PLOD1: variants seen among roughly 807,000 people sequenced by gnomAD.
PLOD1 encodes procollagen-lysine,2-oxoglutarate 5-dioxygenase 1, also known as lysine hydroxylase.
A neutral mutation model predicts 94.7 loss-of-function variants in PLOD1; 70 were observed. The ratio of observed to expected loss-of-function variants is 0.74; its 90% CI spans 0.61 to 0.90. PLOD1 has a LOEUF of 0.90. PLOD1 is among the 40% of genes least tolerant of loss of function. PLOD1 has a pLI of 0.00. For missense variants in PLOD1, 905 were observed against 972.7 expected (o/e 0.93, Z 0.93); for synonymous variants, 417 against 400.2 (o/e 1.04, Z -0.50).
rs763014294 is a variant in PLOD1 at position 11,966,289 on chromosome 1, A to G, written c.1623A>G (p.Lys541=). 6.2e-7 allele frequency: 1 copy of G among 1,608,004 alleles called. No individual in the cohort carries two copies. The highest frequency in any genetic ancestry group is 8.5e-7 in the Non-Finnish European group (1 of 1,177,202). Residue 541 remains lysine, a synonymous_variant, in exon 15 of 19, where the codon AAA becomes AAG. Transcript: ENST00000196061. ...AGTACATCCACCAGAACTACACCAA[A>G]GCCCTGGCAGGGAAGCTGGTGGAGA... ...KEKYIHQNYT[K]ALAGKLVETP...
intron 1 of PLOD1, among the ~76,000 whole-genome samples, chr1:11,943,284 G>A (rs76224978): frequency 0.15 from 21,493 of 148,202 alleles, 2,206 homozygotes; most frequent in African/African-American, 0.3. Context: ...CACCGTGCCC[G>A]GCTTTTTTTT....
intron 1 of PLOD1, among the ~76,000 whole-genome samples, chr1:11,943,880 G>T (rs1342151125): frequency 8.5e-5 from 13 of 152,126 alleles, no homozygotes; most frequent in Non-Finnish European, 1.5e-5. Context: ...CACATTACTC[G>T]CCAGCTGTAC....
chr1:11,938,031 C>T (rs188192245), intron 1 of PLOD1, among the ~76,000 whole-genome samples: 2 of 151,252 alleles, frequency 1.3e-5, no homozygotes, highest in East Asian at 3.9e-4. Flanking sequence ...CAGCGCACTG[C>T]AGCCTCCACC....
At chr1:11,965,150 C>CTT (rs570781705) in intron 13 of PLOD1, among the ~76,000 whole-genome samples, 10 of 143,220 alleles carry the variant, frequency 7.0e-5, no homozygotes, top group African/African-American at 2.5e-4. Context: ...ATTTTTGTGA[C>CTT]TTTTTTTTTT....
At position 11,965,543 on chromosome 1, in the gene PLOD1, C is replaced by G; in HGVS notation, c.1534C>G (p.Arg512Gly). 1 of 1,613,692 alleles carries G rather than the reference C, an allele frequency of 6.2e-7. No individual in the cohort carries two copies. The highest frequency in any genetic ancestry group is 1.1e-5 in the South Asian group (1 of 91,078). Residue 512 changes from arginine to glycine, a missense_variant, in exon 14 of 19, where the codon CGC becomes GGC. Arg to Gly is a moderately radical substitution (Grantham distance 125, BLOSUM62 -2). Transcript: ENST00000196061. ...LGHLLSLDSY[R>G]TTHLHNDLWE... ...CCATCTGCTCTCCCTAGACAGCTAC[C>G]GCACCACCCACCTGCACAACGACCT... is the stretch of plus-strand genomic sequence containing the variant.
chr1:11,970,394 C>G (rs1037237583), intron 16 of PLOD1, among the ~76,000 whole-genome samples: 2 of 152,228 alleles, frequency 1.3e-5, no homozygotes, highest in African/African-American at 4.8e-5. Context: ...AGTTGCGCCA[C>G]TGCGCTCTTA....
At chr1:11,943,745 C>A (rs552176715) in intron 1 of PLOD1, among the ~76,000 whole-genome samples, 1 of 152,170 alleles carries the variant, frequency 6.6e-6, no homozygotes, top group South Asian at 2.1e-4. Context: ...GAGACAGGGC[C>A]CTCTCAACAG....
chr1:11,963,934 C>A lies in PLOD1; in HGVS notation c.1203-241C>A, dbSNP rs951362903. Among the ~76,000 whole-genome samples the A allele has an allele frequency of 5.9e-5, 9 of 152,096 alleles. No individual in the cohort carries two copies. Among genetic ancestry groups the A allele is most frequent in the Admixed American group, 3.3e-4 (5 of 15,258 alleles). On this transcript the variant is annotated intron_variant, in intron 11 of 18. Coordinates refer to ENST00000196061, the MANE Select transcript of PLOD1 (RefSeq NM_000302.4). The surrounding 1 kb of genome is among the most constrained non-coding windows in gnomAD (Gnocchi z 4.3). ...AGAGCTGTGGATCCCCAGCCTGATACCCCAGGTTCTGATAGAGAAGGTGTC... is the reference window on the plus strand; with the variant it reads ...AGAGCTGTGGATCCCCAGCCTGATAACCCAGGTTCTGATAGAGAAGGTGTC...
At chr1:11,967,207 A>T in intron 16 of PLOD1, 116 bp downstream of exon 16, 1 of 719,482 alleles carries the variant, frequency 1.4e-6, no homozygotes, top group South Asian at 1.5e-5. Flanking sequence ...GACTCTTGAC[A>T]TAGGGGTGCT....
At chr1:11,937,036 C>T (rs34228351) in intron 1 of PLOD1, among the ~76,000 whole-genome samples, 12,855 of 151,830 alleles carry the variant, frequency 0.085, 661 homozygotes, top group African/African-American at 0.14. Context: ...TTAGTAGAGA[C>T]GGGGTTTCAC....
At position 11,970,664 on chromosome 1, in the gene PLOD1, C is replaced by A. The variant is rs762412503; in HGVS notation, c.1756-6C>A. Reference sequence around the variant, plus strand: ...CTGCCTAAACATTCACCTCGGTCACCTCCAGGACAACCGCATCCAGGGTGG... The same window carrying A: ...CTGCCTAAACATTCACCTCGGTCACATCCAGGACAACCGCATCCAGGGTGG... On this transcript the variant is annotated splice_polypyrimidine_tract_variant and splice_region_variant and intron_variant, in intron 16 of 18. Transcript: ENST00000196061. The A allele has an allele frequency of 1.1e-5, 17 of 1,612,988 alleles. No homozygotes were observed. Among genetic ancestry groups the A allele is most frequent in the Non-Finnish European group, 1.4e-5 (17 of 1,179,880 alleles).
chr1:11,950,251 G>C (rs779984031), intron 3 of PLOD1, 106 bp from the exon 4 acceptor site: 4 of 1,124,694 alleles, frequency 3.6e-6, no homozygotes, highest in Non-Finnish European at 4.0e-6. Context: ...GGCGTGGGCA[G>C]AGGGCCATTT....
chr1:11,959,698 A>G lies in PLOD1; in HGVS notation c.976-948A>G, dbSNP rs556225031. 9.9e-4 allele frequency among the ~76,000 whole-genome samples: 147 copies of G among 149,096 alleles called. 1 individual carries two copies. Among genetic ancestry groups the G allele is most frequent in the Non-Finnish European group, 1.8e-3 (123 of 67,400 alleles). ...AATGGCGTGATCTCAGCTCAGTGCA[A>G]CCTCTGCCTCCCAGGTTCAAGCCAT... On this transcript the variant is annotated intron_variant, in intron 9 of 18. Transcript: ENST00000196061.
chr1:11,968,154 A>G (rs989242585), intron 16 of PLOD1, among the ~76,000 whole-genome samples: 3 of 151,826 alleles, frequency 2.0e-5, no homozygotes, highest in Non-Finnish European at 4.4e-5. Flanking sequence ...GGGTTTCACC[A>G]TGTTGGCCAG....
Position 11,967,659 on chromosome 1 carries a change from T to TATA in PLOD1, c.1755+568_1755+569insATA, listed in dbSNP as rs1491520648. On this transcript the variant is annotated intron_variant, in intron 16 of 18. Transcript: ENST00000196061. Reference sequence around the variant, plus strand: ...TTTTATTTATATATATATATATATATTTTTTTTAAATAATAGAGACGGGGT... The same window carrying TATA: ...TTTTATTTATATATATATATATATATATATTTTTTTAAATAATAGAGACGGGGT... Among the ~76,000 whole-genome samples, 411 of 71,356 alleles carry TATA rather than the reference T, an allele frequency of 5.8e-3. 1 individual carries two copies. The highest frequency in any genetic ancestry group is 0.046 in the East Asian group (79 of 1,702). 46.8% of individuals were successfully genotyped at this position (71,356 alleles called of 152,430 possible). A position where few individuals can be genotyped will look rare whatever the true frequency, so the allele number is the denominator to read the frequency against.
intron 1 of PLOD1, among the ~76,000 whole-genome samples, chr1:11,946,772 T>C (rs757340302): frequency 2.0e-5 from 3 of 152,156 alleles, no homozygotes; most frequent in Non-Finnish European, 4.4e-5. Flanking sequence ...TATTTGTCTG[T>C]TTTATGTTGC....
chr1:11,975,201 A>G lies in PLOD1; in HGVS notation c.*393A>G, dbSNP rs996242264. The G allele has an allele frequency of 3.1e-6, 1 of 319,882 alleles. No individual in the cohort carries two copies. Among genetic ancestry groups the G allele is most frequent in the Non-Finnish European group, 6.1e-6 (1 of 163,434 alleles). 19.8% of individuals were successfully genotyped at this position (319,882 alleles called of 1,614,324 possible). On this transcript the variant is annotated 3_prime_UTR_variant, in exon 19 of 19. Coordinates refer to ENST00000196061, the MANE Select transcript of PLOD1 (RefSeq NM_000302.4). ...ACTGTCTGGGTGAGAAGCCATGGCC[A>G]GAGCTTCTCCCAGGCACAGGTGTTG...
intron 17 of PLOD1, chr1:11,971,448 G>A (rs375611385): frequency 2.1e-4 from 34 of 164,416 alleles, no homozygotes; most frequent in Middle Eastern, 3.1e-3. Context: ...CTCTAGGGCC[G>A]GCTAGTTGGC....
At chr1:11,953,258 G>A (rs1193771036) in intron 5 of PLOD1, among the ~76,000 whole-genome samples, 4 of 151,644 alleles carry the variant, frequency 2.6e-5, no homozygotes, top group African/African-American at 4.8e-5. Context: ...GTTTCACTAC[G>A]TTCGCCAGGC....
Sources: gnomAD v4.1 joint callset for allele counts (sites outside exome capture counted in the v4.1 genomes callset) on GRCh38, gnomAD v4.1.1 for gene constraint, Gnocchi (gnomAD v3.1) non-coding constraint, MANE v1.5 for transcripts, NCBI Gene and HGNC (gene_info 2026-07-23, HGNC 2026-07-21) for gene names.